Variants in GABRB1 observed in about 807,000 individuals in gnomAD.
GABRB1 encodes gamma-aminobutyric acid receptor subunit beta-1.
A neutral mutation model predicts 51.6 loss-of-function variants in GABRB1; 17 were observed. That is an observed-to-expected ratio of 0.33 (90% confidence interval 0.23 to 0.49). GABRB1 has a LOEUF of 0.49. Among genes scored for constraint, GABRB1 ranks in the 20% least tolerant of loss-of-function variants. GABRB1 has a pLI of 0.99. For synonymous variants in GABRB1, 247 were observed against 218.9 expected (o/e 1.13, Z -1.14); for missense variants, 410 against 600.6 (o/e 0.68, Z 3.32).
At chr4:47,382,719 C>T (rs556598773) in intron 5 of GABRB1, among the ~76,000 whole-genome samples, 294 of 152,302 alleles carry the variant, frequency 1.9e-3, no homozygotes, top group Middle Eastern at 6.8e-3. Flanking sequence ...ATTGCCCTTT[C>T]CTAACTGCTA....
At chr4:47,039,408 G>A (rs1725736092) in intron 3 of GABRB1, among the ~76,000 whole-genome samples, 1 of 144,796 alleles carries the variant, frequency 6.9e-6, no homozygotes, top group African/African-American at 2.5e-5. Context: ...TGTTCTTGTA[G>A]AGCTTATAGT....
At chr4:47,330,619 A>C (rs1328244067) in intron 5 of GABRB1, among the ~76,000 whole-genome samples, 1 of 152,142 alleles carries the variant, frequency 6.6e-6, no homozygotes, top group Non-Finnish European at 1.5e-5. Flanking sequence ...AAATGGCCAC[A>C]TACCAGAAAT....
intron 4 of GABRB1, among the ~76,000 whole-genome samples, chr4:47,175,931 T>C (rs1399924312): frequency 1.3e-5 from 2 of 152,188 alleles, no homozygotes; most frequent in Non-Finnish European, 2.9e-5. Flanking sequence ...AAGGTGATTA[T>C]TGGAAATAAG....
chr4:47,136,784 C>G (rs1197865986), intron 3 of GABRB1, among the ~76,000 whole-genome samples: 2 of 152,038 alleles, frequency 1.3e-5, no homozygotes, highest in Non-Finnish European at 2.9e-5. Flanking sequence ...TATATGCATA[C>G]TTTATCTCTC....
chr4:47,292,336 G>A (rs1361094725), intron 4 of GABRB1, among the ~76,000 whole-genome samples: 1 of 152,178 alleles, frequency 6.6e-6, no homozygotes, highest in Non-Finnish European at 1.5e-5. Flanking sequence ...CCAGTCTTGG[G>A]TATGTCTTTA....
intron 1 of GABRB1, among the ~76,000 whole-genome samples, chr4:47,020,028 T>C (rs28376474): frequency 0.078 from 11,899 of 151,818 alleles, 912 homozygotes; most frequent in African/African-American, 0.16. Flanking sequence ...TCAAGCAATC[T>C]ACCCGCCTCA....
intron 5 of GABRB1, among the ~76,000 whole-genome samples, chr4:47,353,429 G>A (rs998164502): frequency 6.6e-6 from 1 of 152,152 alleles, no homozygotes; most frequent in South Asian, 2.1e-4. Flanking sequence ...TATTGTTAAG[G>A]TAAATCAAGG....
chr4:47,042,040 G>T (rs1328181996), intron 3 of GABRB1, among the ~76,000 whole-genome samples: 2 of 151,794 alleles, frequency 1.3e-5, no homozygotes, highest in African/African-American at 4.8e-5. Context: ...ACATATAAAG[G>T]TCTTCCTAAC....
chr4:47,279,597 G>T (rs1052426608), intron 4 of GABRB1, among the ~76,000 whole-genome samples: 3 of 151,974 alleles, frequency 2.0e-5, no homozygotes, highest in Non-Finnish European at 4.4e-5. Context: ...TGTAATGGGG[G>T]TGCATATATA....
chr4:47,006,959 A>G (rs1560493735), intron 1 of GABRB1, among the ~76,000 whole-genome samples: 1 of 152,114 alleles, frequency 6.6e-6, no homozygotes, highest in Non-Finnish European at 1.5e-5. Flanking sequence ...GTTTGAGACC[A>G]GCCTGGGCAA....
At chr4:47,160,124 G>A (rs973489779) in intron 3 of GABRB1, among the ~76,000 whole-genome samples, 9 of 152,060 alleles carry the variant, frequency 5.9e-5, no homozygotes, top group African/African-American at 1.9e-4. Flanking sequence ...AGCAACTTGA[G>A]CCATTTATAG....
At chr4:47,066,070 C>T (rs947909434) in intron 3 of GABRB1, among the ~76,000 whole-genome samples, 4 of 151,998 alleles carry the variant, frequency 2.6e-5, no homozygotes, top group Admixed American at 6.6e-5. Flanking sequence ...CAAAGCCATA[C>T]GAACAATTGC....
In GABRB1 at chr4:47,272,252, A is replaced by G. The variant is rs777519245; in HGVS notation, c.462-47875A>G. On this transcript the variant is annotated intron_variant, in intron 4 of 8. Transcript: ENST00000295454. Reference sequence around the variant, plus strand: ...AAACAGAAGTTGAGTTACTTCAACTATGTCTTTGTATGTGCAGATCATTCT... The same window carrying G: ...AAACAGAAGTTGAGTTACTTCAACTGTGTCTTTGTATGTGCAGATCATTCT... Among the ~76,000 whole-genome samples the G allele has an allele frequency of 3.9e-5, 6 of 152,292 alleles. No individual in the cohort carries two copies. In the East Asian group the frequency reaches 9.6e-4, roughly 24 times the overall value.
intron 3 of GABRB1, among the ~76,000 whole-genome samples, chr4:47,096,550 T>G (rs942971753): frequency 6.6e-6 from 1 of 152,138 alleles, no homozygotes; most frequent in Non-Finnish European, 1.5e-5. Flanking sequence ...TATGTTACCT[T>G]ATGTGGCAAA....
In GABRB1 at chr4:47,210,916, A is replaced by C. The variant is rs76332207; in HGVS notation, c.461+49447A>C. ...TAGATCATAGATGACTTCTGGGAGG[A>C]GGTGACAAGTAGAAATTAGTAACAG... On this transcript the variant is annotated intron_variant, in intron 4 of 8. Transcript: ENST00000295454. Among the ~76,000 whole-genome samples, 1,404 of 152,260 alleles carry C rather than the reference A, an allele frequency of 9.2e-3. 31 individuals carry two copies. The highest frequency in any genetic ancestry group is 0.032 in the African/African-American group (1,338 of 41,546).
intron 5 of GABRB1, among the ~76,000 whole-genome samples, chr4:47,348,531 TG>T (rs1350032335): frequency 1.3e-5 from 2 of 152,186 alleles, no homozygotes; most frequent in African/African-American, 4.8e-5. Context: ...TGTTTAGGCT[TG>T]GGTTCCCTCC....
At chr4:47,414,666 C>T (rs75801917) in intron 8 of GABRB1, among the ~76,000 whole-genome samples, 1,658 of 152,162 alleles carry the variant, frequency 0.011, 37 homozygotes, top group African/African-American at 0.038. Context: ...AGATTTTTTT[C>T]CCTCTTAAAA....
At chr4:47,404,489 G>GCACACA (rs56335154) in intron 7 of GABRB1, among the ~76,000 whole-genome samples, 3,775 of 145,570 alleles carry the variant, frequency 0.026, 112 homozygotes, top group Admixed American at 0.082. Flanking sequence ...ACACACGCAT[G>GCACACA]CACACACACA....
rs527575059 is a variant in GABRB1, at chr4:47,242,971, T to C, written c.462-77156T>C. Among the ~76,000 whole-genome samples, 86 of 152,346 alleles carry C rather than the reference T, an allele frequency of 5.6e-4. 2 individuals are homozygous for C. The highest frequency in any genetic ancestry group is 5.3e-3 in the Admixed American group (81 of 15,302). ...CATGAAGTCTTTGCCCTTGCCTATGTCCTGAATGGTATTGCCTAGTTTTCT... is the reference window on the plus strand; with the variant it reads ...CATGAAGTCTTTGCCCTTGCCTATGCCCTGAATGGTATTGCCTAGTTTTCT... On this transcript the variant is annotated intron_variant, in intron 4 of 8. Transcript: ENST00000295454.
Sources: gnomAD v4.1 joint callset for allele counts (sites outside exome capture counted in the v4.1 genomes callset) on GRCh38, gnomAD v4.1.1 for gene constraint, MANE v1.5 for transcripts, NCBI Gene and HGNC (gene_info 2026-07-23, HGNC 2026-07-21) for gene names.